PCDHGA6: variants seen among roughly 807,000 people sequenced by gnomAD.
PCDHGA6 encodes the protein protocadherin gamma subfamily A, 6, also known as protocadherin gamma-A6.
A neutral mutation model predicts 60.6 loss-of-function variants in PCDHGA6; 41 were observed. The observed-to-expected ratio is 0.68, with a 90% CI of 0.53 to 0.88. PCDHGA6 has a LOEUF of 0.88. Among genes scored for constraint, PCDHGA6 ranks in the 40% least tolerant of loss-of-function variants. PCDHGA6 has a pLI of 0.00. For synonymous variants in PCDHGA6, 594 were observed against 524.4 expected (o/e 1.13, Z -1.81); for missense variants, 1,312 against 1,203.0 (o/e 1.09, Z -1.34).
chr5:141,495,642 C>T (rs1294293252), intron 2 of PCDHGA6, among the ~76,000 whole-genome samples: 1 of 152,208 alleles, frequency 6.6e-6, no homozygotes. Flanking sequence ...TTTCATTTGT[C>T]TACTTGCATT....
At chr5:141,484,966 G>A in intron 1 of PCDHGA6, 1 of 583,968 alleles carries the variant, frequency 1.7e-6, no homozygotes. Context: ...GAGCCCGGGA[G>A]CCGCTGTCTG....
intron 1 of PCDHGA6, among the ~76,000 whole-genome samples, chr5:141,449,103 A>G (rs1033077737): frequency 2.0e-5 from 3 of 152,206 alleles, no homozygotes; most frequent in African/African-American, 7.2e-5. Context: ...CATATGCAGT[A>G]TATCTTTGGG....
In PCDHGA6 at chr5:141,373,954, T is replaced by C. The variant is rs1439763136; in HGVS notation, c.-130T>C. The C allele has an allele frequency of 3.5e-6, 3 of 850,698 alleles. No homozygotes were observed. The highest frequency in any genetic ancestry group is 5.9e-5 in the East Asian group (2 of 33,942). The allele number at this position is 850,698 out of a possible 1,614,324, so 52.7% of individuals were successfully genotyped here. On this transcript the variant is annotated 5_prime_UTR_variant, in exon 1 of 4. Transcript: ENST00000517434. Reference sequence around the variant, plus strand: ...AAGCAGGAAAGCTGTGCAGAAATTCTGACCTGAAACGCTTCGCATCCGGTC... The same window carrying C: ...AAGCAGGAAAGCTGTGCAGAAATTCCGACCTGAAACGCTTCGCATCCGGTC...
Position 141,490,012 on chromosome 5 carries a change from G to A in PCDHGA6, c.2425-4795G>A. 1 of 1,614,232 alleles carries A rather than the reference G, an allele frequency of 6.2e-7. No homozygotes were observed. Among genetic ancestry groups the A allele is most frequent in the Non-Finnish European group, 8.5e-7 (1 of 1,180,044 alleles). ...GGGAATCCCAGAGAATGCACCCATT[G>A]GTACTCTGCTGCTCCGCCTCAATGC... is the stretch of plus-strand genomic sequence containing the variant. On this transcript the variant is annotated intron_variant, in intron 1 of 3. Transcript: ENST00000517434. This position sits in a 1 kb window ranked among gnomAD's most constrained non-coding sequence, Gnocchi z 5.4.
intron 1 of PCDHGA6, chr5:141,400,237 A>C (rs1375797222): frequency 3.7e-6 from 6 of 1,613,750 alleles, no homozygotes; most frequent in African/African-American, 1.3e-5. Flanking sequence ...CCTGGCCGTG[A>C]TTCTGGCCGT....
At position 141,389,700 on chromosome 5, in the gene PCDHGA6, G is replaced by A. The variant is rs534784537; in HGVS notation, c.2424+13193G>A. On this transcript the variant is annotated intron_variant, in intron 1 of 3. Coordinates refer to ENST00000517434, the MANE Select transcript of PCDHGA6 (RefSeq NM_018919.3). ...ACACAACGCCTGGCTGTCCTACCAC[G>A]TGCTGCAGGCTAGCGAGCCCGGGCT... 11 of 1,612,578 alleles carry A rather than the reference G, an allele frequency of 6.8e-6. No homozygotes were observed. The South Asian group carries it at 1.1e-4, about 16-fold the overall frequency.
At chr5:141,382,795 T>G in intron 1 of PCDHGA6, 8 of 982,614 alleles carry the variant, frequency 8.1e-6, no homozygotes, top group Non-Finnish European at 1.2e-5. Context: ...TCTATCCTGC[T>G]GGATTCTGAG....
rs4042104 is a variant in PCDHGA6 at position 141,489,091 on chromosome 5, T to TAAG, written c.2425-5713_2425-5711dup. On this transcript the variant is annotated intron_variant, in intron 1 of 3. Transcript: ENST00000517434. This position sits in a 1 kb window ranked among gnomAD's most constrained non-coding sequence, Gnocchi z 4.5. Reference sequence around the variant, plus strand: ...CTGCCCACCCCCGCCACTCGGTGACTAAGAACTGCTGCAAGCAGGCAAACC... The same window carrying TAAG: ...CTGCCCACCCCCGCCACTCGGTGACTAAGAAGAACTGCTGCAAGCAGGCAAACC... 136,009 of 332,164 alleles carry TAAG rather than the reference T, an allele frequency of 0.41. 28,517 individuals are homozygous for TAAG. The highest frequency in any genetic ancestry group is 0.54 in the Admixed American group (11,651 of 21,676). The allele number at this position is 332,164 out of a possible 1,614,324, so 20.6% of individuals were successfully genotyped here.
intron 1 of PCDHGA6, chr5:141,404,212 C>T: frequency 3.7e-6 from 6 of 1,613,616 alleles, no homozygotes; most frequent in Non-Finnish European, 5.1e-6. Flanking sequence ...AATATAATAT[C>T]ACGGTGACTG....
chr5:141,399,300 C>T (rs985419238), intron 1 of PCDHGA6: 3 of 1,613,792 alleles, frequency 1.9e-6, no homozygotes, highest in Non-Finnish European at 2.5e-6. Flanking sequence ...TTAAGATTAT[C>T]TCTTCATCCA....
chr5:141,421,443 GAC>G (rs771422215), intron 1 of PCDHGA6: 47 of 1,613,988 alleles, frequency 2.9e-5, no homozygotes, highest in Non-Finnish European at 3.6e-5. Context: ...CCAGAGGGAA[GAC>G]ACAGCTTTTC....
At chr5:141,453,377 T>TC (rs1242854086) in intron 1 of PCDHGA6, among the ~76,000 whole-genome samples, 3 of 152,072 alleles carry the variant, frequency 2.0e-5, no homozygotes, top group Admixed American at 2.0e-4. Context: ...CAAGTGATCC[T>TC]CCTGCCTTAG....
intron 1 of PCDHGA6, among the ~76,000 whole-genome samples, chr5:141,380,802 T>C (rs1776746309): frequency 6.6e-6 from 1 of 152,118 alleles, no homozygotes; most frequent in African/African-American, 2.4e-5. Context: ...AAGAAACAAA[T>C]GTGAGATGAA....
intron 1 of PCDHGA6, chr5:141,423,320 T>C: frequency 6.2e-7 from 1 of 1,614,148 alleles, no homozygotes; most frequent in Non-Finnish European, 8.5e-7. Flanking sequence ...GTGGTGGCGG[T>C]GGCCGCAGTC....
At chr5:141,447,768 T>C (rs1392134454) in intron 1 of PCDHGA6, among the ~76,000 whole-genome samples, 1 of 152,212 alleles carries the variant, frequency 6.6e-6, no homozygotes, top group East Asian at 1.9e-4. Context: ...ATATAAATTA[T>C]ACTTTAATTG....
At position 141,394,884 on chromosome 5, in the gene PCDHGA6, C is replaced by G. The variant is rs2093119839; in HGVS notation, c.2424+18377C>G. The G allele has an allele frequency of 1.2e-6, 2 of 1,613,784 alleles. 1 individual carries two copies. Among genetic ancestry groups the G allele is most frequent in the Admixed American group, 3.3e-5 (2 of 60,002 alleles). On this transcript the variant is annotated intron_variant, in intron 1 of 3. Coordinates refer to ENST00000517434, the MANE Select transcript of PCDHGA6 (RefSeq NM_018919.3). ...CGACCCGAACGATTCGAGCCTTACACTCTATCTCGTGGTGGCAGTGGCTGC... is the reference window on the plus strand; with the variant it reads ...CGACCCGAACGATTCGAGCCTTACAGTCTATCTCGTGGTGGCAGTGGCTGC...
chr5:141,385,563 C>T, intron 1 of PCDHGA6: 1 of 1,304,972 alleles, frequency 7.7e-7, no homozygotes, highest in Non-Finnish European at 9.7e-7. Flanking sequence ...TTATAATTTC[C>T]ACCTACTTTC....
chr5:141,389,211 G>T (rs2091646577), intron 1 of PCDHGA6: 1 of 1,613,940 alleles, frequency 6.2e-7, no homozygotes, highest in Admixed American at 1.7e-5. Context: ...CATTGGTGAT[G>T]TAAATGACAA....
intron 2 of PCDHGA6, among the ~76,000 whole-genome samples, chr5:141,495,663 G>T (rs756466649): frequency 6.6e-6 from 1 of 152,050 alleles, no homozygotes; most frequent in African/African-American, 2.4e-5. Context: ...GATCTGTGCC[G>T]CCCACTGTGC....
Sources: allele counts gnomAD v4.1 joint callset (sites outside exome capture counted in the v4.1 genomes callset), GRCh38; gene constraint gnomAD v4.1.1; non-coding constraint Gnocchi (gnomAD v3.1); transcripts MANE v1.5; gene names NCBI Gene and HGNC (gene_info 2026-07-23, HGNC 2026-07-21).